The following RELN variants were observed in gnomAD, a reference collection of about 807,000 sequenced individuals.
RELN encodes reelin.
RELN carries 108 observed loss-of-function variants against 427.6 expected under a neutral mutation model. The observed-to-expected ratio is 0.25, with a 90% CI of 0.22 to 0.30. RELN has a LOEUF of 0.30. Ranked by LOEUF, RELN falls within the 10% of genes least tolerant of loss-of-function variation. The pLI, the probability that RELN is intolerant of heterozygous loss-of-function variation, is 1.00. For missense variants in RELN, 3,715 were observed against 4,302.8 expected, an observed-to-expected ratio of 0.86 and a Z score of 3.82; for synonymous variants, 1,524 against 1,513.4, an observed-to-expected ratio of 1.01 and a Z score of -0.16.
intron 16 of RELN, among the ~76,000 whole-genome samples, chr7:103,647,366 G>A (rs1204228959): frequency 1.3e-5 from 2 of 151,806 alleles, no homozygotes; most frequent in African/African-American, 4.8e-5. Flanking sequence ...TAAAGATTCA[G>A]GATATAAAAT....
rs530307545 is a variant in RELN at position 103,535,044 on chromosome 7, C to T, written c.7349+272G>A. Among the ~76,000 whole-genome samples the T allele has an allele frequency of 5.3e-4, 80 of 152,280 alleles. 1 individual carries two copies. The South Asian group carries it at 0.016, about 31-fold the overall frequency. On this transcript the variant is annotated intron_variant, in intron 46 of 64. Transcript: ENST00000428762. ...ATTAAGTTGGAGAAGCCAAGTGATG[C>T]AGCCACTGTTTTCTTTTGTAGTTCA...
intron 4 of RELN, among the ~76,000 whole-genome samples, chr7:103,763,073 TA>T (rs1276623512): frequency 1.3e-5 from 2 of 152,216 alleles, no homozygotes; most frequent in Non-Finnish European, 2.9e-5. Context: ...ACAGACTGTA[TA>T]GAAGTTTCTT....
chr7:103,922,264 T>C (rs1331992164), intron 1 of RELN, among the ~76,000 whole-genome samples: 1 of 152,040 alleles, frequency 6.6e-6, no homozygotes, highest in African/African-American at 2.4e-5. Flanking sequence ...AAAAACCAGG[T>C]AGGTCTAAGA....
In RELN at chr7:103,482,870, C is replaced by T; in HGVS notation, c.10280+3G>A. On this transcript the variant is annotated splice_donor_region_variant and intron_variant, in intron 63 of 64. Transcript: ENST00000428762. Reference sequence around the variant, plus strand: ...CATGGGATGCCATGTAATAGATACTCACAGGACGACCTCCACATGGTCCAA... The same window carrying T: ...CATGGGATGCCATGTAATAGATACTTACAGGACGACCTCCACATGGTCCAA... 2 of 1,614,156 alleles carry T rather than the reference C, an allele frequency of 1.2e-6. No individual in the cohort carries two copies. The highest frequency in any genetic ancestry group is 1.7e-6 in the Non-Finnish European group (2 of 1,180,014).
chr7:103,519,051 G>A (rs1006540695), intron 49 of RELN, among the ~76,000 whole-genome samples: 2 of 152,032 alleles, frequency 1.3e-5, no homozygotes, highest in African/African-American at 2.4e-5. Context: ...AATTATACTA[G>A]TTAATTTCTG....
Position 103,907,216 on chromosome 7 carries a change from G to A in RELN, c.337+9859C>T, listed in dbSNP as rs372109053. ...TTGGATCATGAGGTCAGGAGACTGA[G>A]ACCATCCTGGACAACGTGGTGAAAC... On this transcript the variant is annotated intron_variant, in intron 2 of 64. Transcript: ENST00000428762. Among the ~76,000 whole-genome samples the A allele has an allele frequency of 2.6e-5, 4 of 151,696 alleles. No homozygotes were observed. In the East Asian group the frequency reaches 7.8e-4, roughly 30 times the overall value.
chr7:103,570,349 G>A (rs1830853519), intron 31 of RELN, among the ~76,000 whole-genome samples: 1 of 152,142 alleles, frequency 6.6e-6, no homozygotes, highest in Non-Finnish European at 1.5e-5. Context: ...TTTCAGAAGG[G>A]TTATGCACAA....
chr7:103,744,433 T>C (rs1230732516), intron 6 of RELN, among the ~76,000 whole-genome samples: 2 of 151,788 alleles, frequency 1.3e-5, no homozygotes, highest in African/African-American at 2.4e-5. Flanking sequence ...CGGAAGGAAA[T>C]GGAGACACAA....
At chr7:103,780,337 A>G (rs1791857617) in intron 3 of RELN, among the ~76,000 whole-genome samples, 1 of 152,214 alleles carries the variant, frequency 6.6e-6, no homozygotes, top group African/African-American at 2.4e-5. Context: ...AGTACATAGT[A>G]TTTGTCCAAT....
In RELN at chr7:103,824,115, A is replaced by G. The variant is rs1405594210; in HGVS notation, c.473+9422T>C. Among the ~76,000 whole-genome samples, 3 of 152,070 alleles carry G rather than the reference A, an allele frequency of 2.0e-5. No individual in the cohort carries two copies. In the East Asian group the frequency reaches 5.8e-4, roughly 29 times the overall value. On this transcript the variant is annotated intron_variant, in intron 3 of 64. Coordinates refer to ENST00000428762, the MANE Select transcript of RELN (RefSeq NM_005045.4). The surrounding 1 kb of genome is among the most constrained non-coding windows in gnomAD (Gnocchi z 4.4). The stretch of plus-strand genomic sequence containing the variant: ...AAGGCTTATCACGACCTTTATCAGT[A>G]CTAATTTATTTTATTTATCTTGCTT...
intron 15 of RELN, among the ~76,000 whole-genome samples, chr7:103,651,008 T>G (rs1472638403): frequency 6.6e-6 from 1 of 152,098 alleles, no homozygotes; most frequent in Admixed American, 6.6e-5. Flanking sequence ...CCTTAGATAT[T>G]ATCTTATGCT....
chr7:103,844,464 C>G (rs1315903720), intron 2 of RELN, among the ~76,000 whole-genome samples: 15 of 152,158 alleles, frequency 9.9e-5, no homozygotes, highest in African/African-American at 3.6e-4. Context: ...TTTAATGATG[C>G]AGGCAAAGTT....
chr7:103,615,810 T>C (rs764327841), intron 20 of RELN, among the ~76,000 whole-genome samples: 194 of 152,174 alleles, frequency 1.3e-3, no homozygotes, highest in Non-Finnish European at 1.1e-3. Flanking sequence ...TAGGGAAGTT[T>C]AACAAAACTA....
At chr7:103,664,144 A>G (rs1330628179) in intron 11 of RELN, among the ~76,000 whole-genome samples, 1 of 152,236 alleles carries the variant, frequency 6.6e-6, no homozygotes, top group Non-Finnish European at 1.5e-5. Flanking sequence ...AGCTAGTCAA[A>G]CAAAAACCTT....
intron 2 of RELN, among the ~76,000 whole-genome samples, chr7:103,907,433 A>G (rs1795237557): frequency 1.3e-5 from 2 of 149,954 alleles, no homozygotes; most frequent in Admixed American, 6.6e-5. Context: ...AAAAAAAAAA[A>G]AAAAAAAAAA....
At chr7:103,855,367 C>T (rs1793920428) in intron 2 of RELN, among the ~76,000 whole-genome samples, 4 of 152,156 alleles carry the variant, frequency 2.6e-5, no homozygotes, top group Admixed American at 2.0e-4. Context: ...TGTGCCACTG[C>T]AGACACAATG....
At chr7:103,712,441 A>G (rs3819456) in intron 8 of RELN, among the ~76,000 whole-genome samples, 41,535 of 152,126 alleles carry the variant, frequency 0.27, 5,810 homozygotes, top group South Asian at 0.38. Context: ...CTCCCTTGGA[A>G]TAACAGCCAT....
chr7:103,822,251 A>G (rs1793033344), intron 3 of RELN, among the ~76,000 whole-genome samples: 1 of 152,000 alleles, frequency 6.6e-6, no homozygotes, highest in Non-Finnish European at 1.5e-5. Context: ...TAAATTTTTT[A>G]TTAGTCTAAA....
intron 60 of RELN, 99 bp downstream of exon 60, chr7:103,489,643 G>A: frequency 7.3e-7 from 1 of 1,366,318 alleles, no homozygotes; most frequent in Non-Finnish European, 1.0e-6. Context: ...CCCTCAGGCT[G>A]GAGTTTCTAT....
Sources: gnomAD v4.1 joint callset for allele counts (sites outside exome capture counted in the v4.1 genomes callset) on GRCh38, gnomAD v4.1.1 for gene constraint, Gnocchi (gnomAD v3.1) non-coding constraint, MANE v1.5 for transcripts, NCBI Gene and HGNC (gene_info 2026-07-23, HGNC 2026-07-21) for gene names.